The following TRMT44 variants were observed in gnomAD, a reference collection of about 807,000 sequenced individuals.
The protein encoded by TRMT44 is tRNA methyltransferase 44 homolog, also known as probable tRNA (uracil-O(2)-)-methyltransferase.
In TRMT44, 78 loss-of-function variants were observed where a neutral mutation model predicts 77.3. That is an observed-to-expected ratio of 1.01 (90% CI 0.84 to 1.22). The LOEUF is 1.22. TRMT44 is among the 50% of genes most tolerant of loss of function. The probability of loss-of-function intolerance (pLI) is 0.00; values close to 1 mark genes in which losing one functional copy is unlikely to be tolerated. For synonymous variants in TRMT44, 391 were observed against 383.3 expected, an observed-to-expected ratio of 1.02 and a Z score of -0.23; for missense variants, 1,090 against 964.4, an observed-to-expected ratio of 1.13 and a Z score of -1.73.
downstream of TRMT44, among the ~76,000 whole-genome samples, chr4:8,481,012 C>T (rs1727595951): frequency 6.6e-6 from 1 of 152,168 alleles, no homozygotes; most frequent in African/African-American, 2.4e-5. Context: ...CCAGACCCTC[C>T]CAATCCTGAG....
chr4:8,512,741 T>C, the TRMT44 span: 1 of 152,228 alleles, frequency 6.6e-6, no homozygotes, highest in East Asian at 1.9e-4. Context: ...GGTTTTCAAA[T>C]GACAGCTGTT....
the TRMT44 span, among the ~76,000 whole-genome samples, chr4:8,505,579 G>A: frequency 0.011 from 1,621 of 152,222 alleles, 33 homozygotes; most frequent in African/African-American, 0.038. Flanking sequence ...CCTGCCCTCC[G>A]CTGCACTAGC....
At chr4:8,475,006 G>A (rs547215836) in intron 10 of TRMT44, among the ~76,000 whole-genome samples, 1 of 152,190 alleles carries the variant, frequency 6.6e-6, no homozygotes, top group Non-Finnish European at 1.5e-5. Flanking sequence ...TTCAGAGGGG[G>A]TATCTAAACT....
intron 2 of TRMT44, among the ~76,000 whole-genome samples, chr4:8,488,308 C>T (rs907434585): frequency 6.6e-6 from 1 of 152,192 alleles, no homozygotes; most frequent in Non-Finnish European, 1.5e-5. Flanking sequence ...TTTGTGTGAG[C>T]AACATGGCTG....
At chr4:8,515,373 G>A in the TRMT44 span, among the ~76,000 whole-genome samples, 1 of 152,242 alleles carries the variant, frequency 6.6e-6, no homozygotes, top group Non-Finnish European at 1.5e-5. Context: ...GTCCAGCGAA[G>A]GGCAGCGGTG....
In TRMT44 at chr4:8,490,199, C is replaced by T. The variant is rs921008821; in HGVS notation, n.3892-3067C>T. 7.5e-4 allele frequency among the ~76,000 whole-genome samples: 114 copies of T among 152,282 alleles called. 1 individual carries two copies. The highest frequency in any genetic ancestry group is 3.4e-3 in the Middle Eastern group (1 of 294). Reference sequence around the variant, plus strand: ...CTTCCCCGAAACTGCCTTTGAAAAACCCCTATCCTACAAGCTTTGGATGAG... The same window carrying T: ...CTTCCCCGAAACTGCCTTTGAAAAATCCCTATCCTACAAGCTTTGGATGAG... On this transcript the variant is annotated intron_variant and non_coding_transcript_variant, in intron 2 of 2. Coordinates refer to the TRMT44 transcript ENST00000511366.
intron 6 of TRMT44, among the ~76,000 whole-genome samples, chr4:8,459,197 T>G (rs1726000815): frequency 6.6e-6 from 1 of 152,224 alleles, no homozygotes; most frequent in African/African-American, 2.4e-5. Context: ...AGTGAGACTC[T>G]GTCTCCAAAA....
At chr4:8,455,928 T>C (rs1725780763) in intron 6 of TRMT44, among the ~76,000 whole-genome samples, 1 of 152,084 alleles carries the variant, frequency 6.6e-6, no homozygotes, top group African/African-American at 2.4e-5. Context: ...CCTAGAAATA[T>C]TGAAAAAAAT....
intron 1 of TRMT44, among the ~76,000 whole-genome samples, chr4:8,445,079 G>A (rs1724979321): frequency 6.6e-6 from 1 of 152,200 alleles, no homozygotes; most frequent in African/African-American, 2.4e-5. Flanking sequence ...ACACATGCCA[G>A]TGACACTGAG....
chr4:8,492,933 C>G (rs930517434), intron 2 of TRMT44, among the ~76,000 whole-genome samples: 2 of 152,206 alleles, frequency 1.3e-5, no homozygotes, highest in African/African-American at 4.8e-5. Context: ...CTGTGCCCGA[C>G]CACCTTGGGC....
intron 1 of TRMT44, among the ~76,000 whole-genome samples, chr4:8,442,901 G>T (rs970615666): frequency 1.3e-5 from 2 of 152,282 alleles, no homozygotes; most frequent in Non-Finnish European, 2.9e-5. Flanking sequence ...AGTTAGGCCG[G>T]GCTCACCTGG....
chr4:8,465,074 T>C (rs1437547643), intron 7 of TRMT44, among the ~76,000 whole-genome samples: 1 of 151,552 alleles, frequency 6.6e-6, no homozygotes, highest in African/African-American at 2.4e-5. Flanking sequence ...GAGTGGGGAG[T>C]GAGGGAGAGG....
intron 8 of TRMT44, 134 bp from the exon 9 acceptor site, chr4:8,467,780 G>T: frequency 9.4e-7 from 1 of 1,061,494 alleles, no homozygotes; most frequent in Non-Finnish European, 1.3e-6. Context: ...GCTGGTGTCA[G>T]TTTTTTAAAT....
At chr4:8,515,403 C>A in the TRMT44 span, among the ~76,000 whole-genome samples, 1 of 152,224 alleles carries the variant, frequency 6.6e-6, no homozygotes, top group Non-Finnish European at 1.5e-5. Flanking sequence ...CCTGGCTTTG[C>A]CCCTGCGGCA....
At chr4:8,494,054 C>A (rs918389837), downstream of TRMT44, among the ~76,000 whole-genome samples, 11 of 142,150 alleles carry the variant, frequency 7.7e-5, no homozygotes, top group African/African-American at 2.5e-4. Context: ...CAGAAAACAC[C>A]AGGTGTGTGA....
chr4:8,464,595 T>C (rs1047276876), intron 7 of TRMT44, among the ~76,000 whole-genome samples: 1 of 152,200 alleles, frequency 6.6e-6, no homozygotes, highest in Non-Finnish European at 1.5e-5. Flanking sequence ...TCTCCTTATC[T>C]CAGATTCTTC....
At chr4:8,479,104 C>T (rs1880023), downstream of TRMT44, 39,950 of 152,064 alleles carry the variant, frequency 0.26, 5,981 homozygotes, top group Admixed American at 0.38. Context: ...CGGCTACTCT[C>T]CAGGGCCACA....
At chr4:8,490,500 G>A (rs1727963963) in intron 2 of TRMT44, among the ~76,000 whole-genome samples, 1 of 150,996 alleles carries the variant, frequency 6.6e-6, no homozygotes, top group South Asian at 2.1e-4. Flanking sequence ...CAGTGGGCTG[G>A]TGGTCTCGCT....
rs1364465736 is a variant in TRMT44, at chr4:8,446,058, T to TA, written c.620-417dup. Among the ~76,000 whole-genome samples the TA allele has an allele frequency of 2.0e-5, 3 of 152,242 alleles. No homozygotes were observed. Among genetic ancestry groups the TA allele is most frequent in the African/African-American group, 7.2e-5 (3 of 41,458 alleles). ...CGGTTGTTAGGAAGGCCTGGACTGATATCCGCTTTCCTGAACTGGCCTCTG... is the reference window on the plus strand; with the variant it reads ...CGGTTGTTAGGAAGGCCTGGACTGATAATCCGCTTTCCTGAACTGGCCTCTG... On this transcript the variant is annotated intron_variant, in intron 1 of 10. Transcript: ENST00000389737. This position sits in a 1 kb window ranked among gnomAD's most constrained non-coding sequence, Gnocchi z 4.3.
Sources: gnomAD v4.1 joint callset for allele counts (sites outside exome capture counted in the v4.1 genomes callset) on GRCh38, gnomAD v4.1.1 for gene constraint, Gnocchi (gnomAD v3.1) non-coding constraint, MANE v1.5 for transcripts, NCBI Gene and HGNC (gene_info 2026-07-23, HGNC 2026-07-21) for gene names.